The following CBX5 variants were observed in gnomAD, a reference collection of about 807,000 sequenced individuals.
CBX5 encodes the protein chromobox 5.
In CBX5, 7 loss-of-function variants were observed where a neutral mutation model predicts 20.7. The ratio of observed to expected loss-of-function variants is 0.34; its 90% CI spans 0.19 to 0.63. The LOEUF is 0.63. Among genes scored for constraint, CBX5 ranks in the 30% least tolerant of loss-of-function variants. The probability of loss-of-function intolerance (pLI) is 0.75; values close to 1 mark genes in which losing one functional copy is unlikely to be tolerated. For missense variants in CBX5, 110 were observed against 224.1 expected (o/e 0.49, Z 3.25); for synonymous variants, 78 against 77.0 (o/e 1.01, Z -0.07).
chr12:54,275,499 C>A (rs1158817994), intron 1 of CBX5, among the ~76,000 whole-genome samples: 2 of 151,968 alleles, frequency 1.3e-5, no homozygotes, highest in Non-Finnish European at 2.9e-5. Flanking sequence ...CCTCGGCCTC[C>A]CAAAGTGCTG....
In CBX5 at chr12:54,280,063, G is replaced by T. The variant is rs528484928; in HGVS notation, c.-98C>A. The stretch of plus-strand genomic sequence containing the variant: ...GTCTGCCCTGTTCCTGTATGGTGAG[G>T]CCGCACCACAAGCCACCACCGCCGC... On this transcript the variant is annotated 5_prime_UTR_variant, in exon 1 of 5. Transcript: ENST00000209875. The T allele has an allele frequency of 1.3e-5, 2 of 159,754 alleles. No homozygotes were observed. Among genetic ancestry groups the T allele is most frequent in the Admixed American group, 6.1e-5 (1 of 16,500 alleles). The allele number at this position is 159,754 out of a possible 1,614,324, so 9.9% of individuals were successfully genotyped here. A position where few individuals can be genotyped will look rare whatever the true frequency, so the allele number is the denominator to read the frequency against.
intron 3 of CBX5, among the ~76,000 whole-genome samples, chr12:54,250,860 G>C (rs1283704191): frequency 2.7e-5 from 4 of 149,614 alleles, no homozygotes; most frequent in South Asian, 4.2e-4. Context: ...GGCCGGGCGC[G>C]GTGGCTCACG....
At chr12:54,259,800 A>C (rs1943898530) in intron 1 of CBX5, among the ~76,000 whole-genome samples, 1 of 152,260 alleles carries the variant, frequency 6.6e-6, no homozygotes, top group Admixed American at 6.5e-5. Context: ...TAAGGGAATT[A>C]CTTCTTAGGT....
intron 1 of CBX5, among the ~76,000 whole-genome samples, chr12:54,278,049 G>A (rs1247219860): frequency 6.6e-6 from 1 of 152,142 alleles, no homozygotes; most frequent in Admixed American, 6.5e-5. Flanking sequence ...TTTCAACCAA[G>A]GGAGATTTTA....
chr12:54,258,436 T>G (rs1000645742), intron 1 of CBX5: 7 of 152,124 alleles, frequency 4.6e-5, no homozygotes, highest in African/African-American at 1.4e-4. Context: ...CTAACCCAAA[T>G]AGTTAAGAAG....
intron 1 of CBX5, chr12:54,263,033 AT>A (rs1565872630): frequency 6.6e-6 from 1 of 152,268 alleles, no homozygotes; most frequent in African/African-American, 2.4e-5. Context: ...AAAGCTACCA[AT>A]AACTATAGAT....
chr12:54,260,319 C>T (rs950664503), intron 1 of CBX5, among the ~76,000 whole-genome samples: 6 of 151,942 alleles, frequency 3.9e-5, no homozygotes, highest in Non-Finnish European at 8.8e-5. Flanking sequence ...GGTGAAACCC[C>T]GTCTCTACTA....
At chr12:54,246,706 G>A (rs987629560) in intron 3 of CBX5, among the ~76,000 whole-genome samples, 3 of 151,482 alleles carry the variant, frequency 2.0e-5, no homozygotes, top group South Asian at 2.1e-4. Context: ...GCTTGAACCC[G>A]GGATGCGGAG....
Position 54,234,356 on chromosome 12 carries a change from C to T in CBX5, c.*7399G>A, listed in dbSNP as rs553243487. On this transcript the variant is annotated 3_prime_UTR_variant, in exon 5 of 5. Coordinates refer to ENST00000209875, the MANE Select transcript of CBX5 (RefSeq NM_012117.3). ...TTTTGGCAATGACAGTTTAGGTTAACTCTGTTTGGAATTCCTAAAAATAAA... is the reference window on the plus strand; with the variant it reads ...TTTTGGCAATGACAGTTTAGGTTAATTCTGTTTGGAATTCCTAAAAATAAA... The T allele has an allele frequency of 5.3e-5, 8 of 151,044 alleles. No individual in the cohort carries two copies. Among genetic ancestry groups the T allele is most frequent in the African/African-American group, 1.9e-4 (8 of 41,150 alleles). 9.4% of individuals were successfully genotyped at this position (151,044 alleles called of 1,614,324 possible). A position where few individuals can be genotyped will look rare whatever the true frequency, so the allele number is the denominator to read the frequency against.
chr12:54,244,458 C>G (rs866923423), intron 4 of CBX5, among the ~76,000 whole-genome samples: 2 of 151,766 alleles, frequency 1.3e-5, no homozygotes, highest in South Asian at 4.2e-4. Flanking sequence ...CAAATTAGGG[C>G]TGGGCGCAGT....
intron 1 of CBX5, among the ~76,000 whole-genome samples, chr12:54,276,294 A>G (rs764845309): frequency 1.3e-5 from 2 of 152,202 alleles, no homozygotes; most frequent in South Asian, 4.1e-4. Context: ...TCCTACACCT[A>G]ATCTACTGAA....
chr12:54,272,231 T>C (rs1274790742), intron 1 of CBX5: 3 of 152,226 alleles, frequency 2.0e-5, no homozygotes, highest in Admixed American at 6.5e-5. Context: ...AGAAAAATAC[T>C]TGAATCCAAT....
chr12:54,269,159 C>A (rs1761454413), intron 1 of CBX5, among the ~76,000 whole-genome samples: 1 of 152,006 alleles, frequency 6.6e-6, no homozygotes, highest in African/African-American at 2.4e-5. Flanking sequence ...ACTCAGGAGG[C>A]TGAGGCAGGA....
At position 54,234,418 on chromosome 12, in the gene CBX5, T is replaced by C. The variant is rs146698511; in HGVS notation, c.*7337A>G. On this transcript the variant is annotated 3_prime_UTR_variant, in exon 5 of 5. Transcript: ENST00000209875. The stretch of plus-strand genomic sequence containing the variant: ...TAAAAAAGGCTGACAAACTGACCAC[T>C]TGGCCTTGAATCGACTGTTAGGGTC... The C allele has an allele frequency of 7.5e-4, 114 of 152,238 alleles. 1 individual carries two copies. Among genetic ancestry groups the C allele is most frequent in the African/African-American group, 2.7e-3 (112 of 41,544 alleles). The allele number at this position is 152,238 out of a possible 1,614,324, so 9.4% of individuals were successfully genotyped here. A position where few individuals can be genotyped will look rare whatever the true frequency, so the allele number is the denominator to read the frequency against.
intron 3 of CBX5, among the ~76,000 whole-genome samples, chr12:54,249,724 A>AAG (rs1056118896): frequency 6.6e-6 from 1 of 152,134 alleles, no homozygotes. Context: ...CACAGATGAA[A>AAG]AGAGAGAGAG....
Position 54,239,823 on chromosome 12 carries a change from A to G in CBX5, c.*1932T>C, listed in dbSNP as rs780218159. 1.3e-5 allele frequency: 2 copies of G among 152,244 alleles called. No individual in the cohort carries two copies. Among genetic ancestry groups the G allele is most frequent in the African/African-American group, 4.8e-5 (2 of 41,460 alleles). The allele number at this position is 152,244 out of a possible 1,614,324, so 9.4% of individuals were successfully genotyped here. ...ACAGCTGTCACCTCAATTATGCAGTATAATTTTTGACATAATTTATATAAG... is the reference window on the plus strand; with the variant it reads ...ACAGCTGTCACCTCAATTATGCAGTGTAATTTTTGACATAATTTATATAAG... On this transcript the variant is annotated 3_prime_UTR_variant, in exon 5 of 5. Transcript: ENST00000209875.
At chr12:54,266,906 T>C (rs908371753) in intron 1 of CBX5, among the ~76,000 whole-genome samples, 23 of 152,350 alleles carry the variant, frequency 1.5e-4, no homozygotes, top group Non-Finnish European at 2.9e-4. Context: ...GTATCAGTTT[T>C]CTTTAAATTT....
At chr12:54,278,348 C>T (rs1399940947) in intron 1 of CBX5, among the ~76,000 whole-genome samples, 15 of 152,192 alleles carry the variant, frequency 9.9e-5, no homozygotes, top group African/African-American at 3.1e-4. Context: ...CACTTTAGTT[C>T]TCAGAAGCTC....
intron 3 of CBX5, among the ~76,000 whole-genome samples, chr12:54,248,649 A>G (rs1337009127): frequency 6.6e-6 from 1 of 152,200 alleles, no homozygotes; most frequent in African/African-American, 2.4e-5. Flanking sequence ...GCATGGACTA[A>G]GTTGTAAATC....
Sources: gnomAD v4.1 joint callset for allele counts (sites outside exome capture counted in the v4.1 genomes callset) on GRCh38, gnomAD v4.1.1 for gene constraint, MANE v1.5 for transcripts, NCBI Gene and HGNC (gene_info 2026-07-23, HGNC 2026-07-21) for gene names.